CRPPA: variants seen among roughly 807,000 people sequenced by gnomAD.
CRPPA encodes the protein D-ribitol-5-phosphate cytidylyltransferase.
In CRPPA, 43 loss-of-function variants were observed where a neutral mutation model predicts 52.0. The observed-to-expected ratio is 0.83, with a 90% CI of 0.65 to 1.07. The LOEUF is 1.07. CRPPA is among the 50% of genes least tolerant of loss of function. The pLI, the probability that CRPPA is intolerant of heterozygous loss-of-function variation, is 0.00. For synonymous variants in CRPPA, 250 were observed against 203.5 expected (o/e 1.23, Z -1.94); for missense variants, 629 against 551.7 (o/e 1.14, Z -1.40).
chr7:16,190,895 T>A (rs1583418449), intron 9 of CRPPA, among the ~76,000 whole-genome samples: 1 of 152,116 alleles, frequency 6.6e-6, no homozygotes. Flanking sequence ...TTTTTTCACA[T>A]AGAATAATAG....
chr7:16,136,203 T>C (rs1380716856), intron 9 of CRPPA, among the ~76,000 whole-genome samples: 1 of 152,208 alleles, frequency 6.6e-6, no homozygotes, highest in Non-Finnish European at 1.5e-5. Flanking sequence ...TAAAATCAAG[T>C]ATTACATCTT....
At chr7:16,247,517 A>C (rs1247135212) in intron 8 of CRPPA, among the ~76,000 whole-genome samples, 2 of 152,240 alleles carry the variant, frequency 1.3e-5, no homozygotes, top group Non-Finnish European at 2.9e-5. Context: ...GTTCCAACAC[A>C]ATAATAGTAA....
chr7:16,371,136 C>G (rs1428861536), intron 3 of CRPPA, among the ~76,000 whole-genome samples: 12 of 151,982 alleles, frequency 7.9e-5, no homozygotes, highest in Non-Finnish European at 1.5e-5. Flanking sequence ...TGAGAGCTCC[C>G]CCAGCCACCT....
chr7:16,372,630 A>G (rs569803483), intron 3 of CRPPA, among the ~76,000 whole-genome samples: 1 of 152,322 alleles, frequency 6.6e-6, no homozygotes, highest in South Asian at 2.1e-4. Flanking sequence ...AAACAATAAC[A>G]TAATGAAAAA....
intron 3 of CRPPA, among the ~76,000 whole-genome samples, chr7:16,358,791 T>C (rs1231117437): frequency 2.6e-5 from 4 of 152,162 alleles, no homozygotes; most frequent in Non-Finnish European, 4.4e-5. Context: ...AATGAAGAAA[T>C]TGATTAATGT....
intron 8 of CRPPA, among the ~76,000 whole-genome samples, chr7:16,224,314 T>A (rs1782595257): frequency 6.6e-6 from 1 of 152,160 alleles, no homozygotes; most frequent in Admixed American, 6.6e-5. Context: ...AACGGATACA[T>A]TAATTAAAGG....
At chr7:16,337,380 T>C (rs1785710884) in intron 3 of CRPPA, among the ~76,000 whole-genome samples, 1 of 151,470 alleles carries the variant, frequency 6.6e-6, no homozygotes, top group African/African-American at 2.4e-5. Context: ...CAGAAGAAAA[T>C]CAAGAAAATA....
chr7:16,237,424 AC>A (rs1225081446), intron 8 of CRPPA: 6 of 151,924 alleles, frequency 3.9e-5, no homozygotes, highest in Non-Finnish European at 5.9e-5. Context: ...GTGAGAACAA[AC>A]CCTGACTCTT....
chr7:16,213,888 G>T (rs1374106718), intron 9 of CRPPA, among the ~76,000 whole-genome samples: 3 of 152,106 alleles, frequency 2.0e-5, no homozygotes, highest in Non-Finnish European at 4.4e-5. Context: ...GAGAGATAAG[G>T]CCTGGTTTAA....
intron 9 of CRPPA, among the ~76,000 whole-genome samples, chr7:16,121,376 G>A (rs1171658506): frequency 6.6e-6 from 1 of 151,844 alleles, no homozygotes; most frequent in Non-Finnish European, 1.5e-5. Flanking sequence ...TGTATAACTT[G>A]CTTTCAGGAA....
intron 1 of CRPPA, among the ~76,000 whole-genome samples, chr7:16,420,185 T>C (rs920143943): frequency 6.6e-6 from 1 of 152,164 alleles, no homozygotes; most frequent in Non-Finnish European, 1.5e-5. Flanking sequence ...GGATGACATC[T>C]ATCTGGAAAT....
At chr7:16,189,289 A>G (rs1034400948) in intron 9 of CRPPA, among the ~76,000 whole-genome samples, 1 of 152,210 alleles carries the variant, frequency 6.6e-6, no homozygotes, top group African/African-American at 2.4e-5. Flanking sequence ...TAGCAGTCTG[A>G]GGCATCACAG....
At chr7:16,307,674 A>C (rs1217575972) in intron 4 of CRPPA, among the ~76,000 whole-genome samples, 1 of 37,044 alleles carries the variant, frequency 2.7e-5, no homozygotes, top group African/African-American at 2.9e-4. Context: ...AAACTCTGTC[A>C]AAAAAAAAAA....
At chr7:16,228,630 T>G (rs887727458) in intron 8 of CRPPA, among the ~76,000 whole-genome samples, 8 of 151,992 alleles carry the variant, frequency 5.3e-5, no homozygotes, top group African/African-American at 1.9e-4. Context: ...TCCTCATTTC[T>G]AGTTTCATAT....
chr7:16,371,473 C>T (rs1208262474), intron 3 of CRPPA, among the ~76,000 whole-genome samples: 1 of 151,524 alleles, frequency 6.6e-6, no homozygotes, highest in Non-Finnish European at 1.5e-5. Flanking sequence ...CCTAAAAGCA[C>T]CAAAAATCAA....
intron 9 of CRPPA, among the ~76,000 whole-genome samples, chr7:16,164,079 C>A (rs1233026405): frequency 6.6e-6 from 1 of 152,174 alleles, no homozygotes; most frequent in Non-Finnish European, 1.5e-5. Context: ...GGGAAGTTCT[C>A]CTGGATAATA....
chr7:16,206,221 A>C (rs1781970865), intron 9 of CRPPA, among the ~76,000 whole-genome samples: 1 of 152,100 alleles, frequency 6.6e-6, no homozygotes, highest in Admixed American at 6.5e-5. Context: ...CTTACTTTAC[A>C]GTAAGAATGG....
chr7:16,270,888 A>G (rs1460277270), intron 6 of CRPPA, among the ~76,000 whole-genome samples: 1 of 151,928 alleles, frequency 6.6e-6, no homozygotes, highest in Non-Finnish European at 1.5e-5. Context: ...GCTTTTCTTT[A>G]TTGCATGTGC....
chr7:16,342,749 GAACCCTGT>G lies in CRPPA; in HGVS notation c.684+33335_684+33342del, dbSNP rs143201219. On this transcript the variant is annotated intron_variant, in intron 3 of 9. Coordinates refer to ENST00000407010, the MANE Select transcript of CRPPA (RefSeq NM_001101426.4). ...TCAAGAGCAGCCTGGGCAACAGGAT[GAACCCTGT>G]CTCCACAAAAAAAAAAAAAAAAAAA... Among the ~76,000 whole-genome samples the G allele has an allele frequency of 1.9e-4, 19 of 100,964 alleles. 1 individual carries two copies. Among genetic ancestry groups the G allele is most frequent in the South Asian group, 7.9e-4 (3 of 3,786 alleles). The allele number at this position is 100,964 out of a possible 152,430, so 66.2% of individuals were successfully genotyped here. A position where few individuals can be genotyped will look rare whatever the true frequency, so the allele number is the denominator to read the frequency against.
Sources: allele counts gnomAD v4.1 joint callset (sites outside exome capture counted in the v4.1 genomes callset), GRCh38; gene constraint gnomAD v4.1.1; transcripts MANE v1.5; gene names NCBI Gene and HGNC (gene_info 2026-07-23, HGNC 2026-07-21).